Variants in TESMIN observed in about 807,000 individuals in gnomAD.
TESMIN encodes the protein CXC domain containing 2.
In TESMIN, 34 loss-of-function variants were observed where a neutral mutation model predicts 47.4. The observed-to-expected ratio is 0.72, with a 90% CI of 0.55 to 0.96. The LOEUF (loss-of-function observed/expected upper bound fraction) is 0.96, where lower values mean the gene tolerates loss of function less well. TESMIN is among the 40% of genes least tolerant of loss of function. The pLI, the probability that TESMIN is intolerant of heterozygous loss-of-function variation, is 0.00. For missense variants in TESMIN, 610 were observed against 637.2 expected (o/e 0.96, Z 0.46); for synonymous variants, 278 against 258.9 (o/e 1.07, Z -0.71).
chr11:68,717,109 T>G (rs1013883173), intron 6 of TESMIN, among the ~76,000 whole-genome samples: 1 of 152,274 alleles, frequency 6.6e-6, no homozygotes, highest in South Asian at 2.1e-4. Context: ...ACCAGAGGTC[T>G]GCAGAAACCT....
intron 6 of TESMIN, among the ~76,000 whole-genome samples, chr11:68,730,397 T>C (rs955126350): frequency 1.3e-5 from 2 of 152,234 alleles, no homozygotes; most frequent in African/African-American, 4.8e-5. Context: ...AGTTGTATAT[T>C]TTACAGTTGC....
intron 6 of TESMIN, among the ~76,000 whole-genome samples, chr11:68,718,606 A>C (rs1946169566): frequency 6.6e-6 from 1 of 152,220 alleles, no homozygotes; most frequent in African/African-American, 2.4e-5. Flanking sequence ...AAAGGCCATG[A>C]GTTTCTGAAG....
chr11:68,710,520 T>C, intron 9 of TESMIN: 1 of 213,562 alleles, frequency 4.7e-6, no homozygotes, highest in African/African-American at 2.3e-5. Context: ...CTGTCTTTGC[T>C]GCGCTGGGTC....
In TESMIN at chr11:68,750,256, C is replaced by T; in HGVS notation, c.405G>A (p.Pro135=). 1.9e-6 allele frequency: 3 copies of T among 1,541,664 alleles called. No individual in the cohort carries two copies. The highest frequency in any genetic ancestry group is 2.6e-6 in the Non-Finnish European group (3 of 1,153,678). The change falls in exon 2 of 10, where the codon CCG becomes CCA. Residue 135 remains proline, a synonymous_variant. Coordinates refer to ENST00000255087, the MANE Select transcript of TESMIN (RefSeq NM_004923.3). ...CCCAGGCGCCCAGGGGCAACACCGC[C>T]GGGCTGCGGTGCGCGGGTAGCAGCG... ...LSSLLPAHRS[P]AVLPLGAWVL...
At chr11:68,728,604 G>A (rs1008236530) in intron 6 of TESMIN, among the ~76,000 whole-genome samples, 22 of 152,198 alleles carry the variant, frequency 1.4e-4, no homozygotes, top group Non-Finnish European at 3.2e-4. Flanking sequence ...TCTACTAGAA[G>A]AAGATGCCAC....
rs370056313 is a variant in TESMIN, at chr11:68,738,722, G to C, written c.895C>G (p.Pro299Ala). Reference sequence around the variant, plus strand: ...TACCCAGCCAAAGTTATTTTTGGTGGTCCTGGAAGAGTTGATCCCGAGGGG... The same window carrying C: ...TACCCAGCCAAAGTTATTTTTGGTGCTCCTGGAAGAGTTGATCCCGAGGGG... Reference protein sequence around the residue: ...AFPSGSTLPGPPKITLAGYCD... With the variant: ...AFPSGSTLPGAPKITLAGYCD... Residue 299 changes from proline to alanine, a missense_variant, in exon 6 of 10, where the codon CCA becomes GCA. Pro to Ala is a conservative substitution (Grantham distance 27). Transcript: ENST00000255087. The C allele has an allele frequency of 4.3e-6, 7 of 1,613,902 alleles. No individual in the cohort carries two copies. The African/African-American group carries it at 9.3e-5, about 22-fold the overall frequency.
chr11:68,742,349 G>A lies in TESMIN; in HGVS notation c.797C>T (p.Ala266Val). 1 of 1,602,820 alleles carries A rather than the reference G, an allele frequency of 6.2e-7. No homozygotes were observed. The highest frequency in any genetic ancestry group is 8.5e-7 in the Non-Finnish European group (1 of 1,172,776). Residue 266 changes from alanine to valine, a missense_variant, in exon 5 of 10, where the codon GCA becomes GTA. Physicochemically the swap from Ala to Val is moderately conservative, Grantham distance 64. Transcript: ENST00000255087. ...TGTAATGAGATTTAATTTTGTTGAT[G>A]CTGGCAAAAATCTCCCTACTAAAGC... ...MTALVGRFLP[A>V]STKLNLITQQ...
At chr11:68,713,207 C>T (rs1156730785) in intron 8 of TESMIN, 63 bp downstream of exon 8, 5 of 1,489,876 alleles carry the variant, frequency 3.4e-6, no homozygotes, top group South Asian at 1.4e-5. Context: ...TTTTTAACCA[C>T]AAAAGTTACT....
At chr11:68,738,064 G>A in intron 6 of TESMIN, 6 of 985,708 alleles carry the variant, frequency 6.1e-6, no homozygotes, top group Non-Finnish European at 6.0e-6. Flanking sequence ...ATACATAAAT[G>A]TTAACCTGAT....
intron 6 of TESMIN, among the ~76,000 whole-genome samples, chr11:68,729,910 G>C (rs1946307512): frequency 6.6e-6 from 1 of 152,180 alleles, no homozygotes; most frequent in Admixed American, 6.5e-5. Flanking sequence ...ACATACTATA[G>C]AGAAATCTTT....
At chr11:68,706,243 C>T (rs1309819294), downstream of TESMIN, among the ~76,000 whole-genome samples, 5 of 152,212 alleles carry the variant, frequency 3.3e-5, no homozygotes, top group Non-Finnish European at 7.3e-5. Flanking sequence ...ACTTCTCAGA[C>T]GGGATTCCCT....
At chr11:68,750,757 CA>C (rs1946587505) in intron 1 of TESMIN, 58 bp from the exon 2 acceptor site, 1 of 521,158 alleles carries the variant, frequency 1.9e-6, no homozygotes, top group African/African-American at 3.1e-5. Context: ...GAGGGGCGGC[CA>C]GGAAAGGGGA....
intron 7 of TESMIN, 33 bp from the exon 8 acceptor site, chr11:68,713,440 A>T: frequency 6.2e-7 from 1 of 1,610,032 alleles, no homozygotes; most frequent in Non-Finnish European, 8.5e-7. Context: ...ATCAGGATGG[A>T]TTTTATCATT....
chr11:68,737,180 C>A, intron 6 of TESMIN: 2 of 985,408 alleles, frequency 2.0e-6, no homozygotes, highest in Non-Finnish European at 2.4e-6. Flanking sequence ...ATGTTAACAG[C>A]CATGATGAGA....
intron 6 of TESMIN, among the ~76,000 whole-genome samples, chr11:68,721,054 A>C (rs1354532155): frequency 5.5e-5 from 5 of 91,594 alleles, no homozygotes; most frequent in Non-Finnish European, 1.0e-4. Context: ...TAAAGATAAC[A>C]TCTTTCTTTT....
Position 68,742,382 on chromosome 11 carries a change from G to A in TESMIN, c.764C>T (p.Pro255Leu), listed in dbSNP as rs1163894132. The part of the protein sequence containing the change: ...NNYLQSDVPK[P>L]MTALVGRFLP... The stretch of plus-strand genomic sequence containing the variant: ...AAATCTCCCTACTAAAGCAGTCATT[G>A]GTTTAGGGACATCTGTAAGGAAGAT... The change falls in exon 5 of 10, where the codon CCA becomes CTA. Residue 255 changes from proline (P) to leucine (L), a missense_variant. Physicochemically the swap from Pro to Leu is moderately conservative, Grantham distance 98. Transcript: ENST00000255087. 1 of 1,593,290 alleles carries A rather than the reference G, an allele frequency of 6.3e-7. No individual in the cohort carries two copies. Among genetic ancestry groups the A allele is most frequent in the East Asian group, 2.2e-5 (1 of 44,708 alleles).
intron 3 of TESMIN, among the ~76,000 whole-genome samples, 189 bp from the exon 4 acceptor site, chr11:68,745,300 C>CAAAAAAAAA (rs71993839): frequency 1.4e-5 from 1 of 72,484 alleles, no homozygotes; most frequent in Non-Finnish European, 2.9e-5. Context: ...CACCAAAGGG[C>CAAAAAAAAA]AAAAAAAAAA....
chr11:68,715,861 A>T lies in TESMIN; in HGVS notation c.996T>A (p.Asp332Glu). The change falls in exon 7 of 10, where the codon GAT becomes GAA. Residue 332 changes from aspartate to glutamate, a missense_variant. By Grantham distance (45) the Asp-to-Glu change is conservative. Coordinates refer to ENST00000255087, the MANE Select transcript of TESMIN (RefSeq NM_004923.3). ...CCTTAATGGCTTTAAACCGTTCAAT[A>T]TCATGATGCAAGTTGTTGCAACAAT... ...CNNCCNNLHHDIERFKAIKAC... is the reference protein window; with the variant it reads ...CNNCCNNLHHEIERFKAIKAC... 1 of 1,610,828 alleles carries T rather than the reference A, an allele frequency of 6.2e-7. No homozygotes were observed. Among genetic ancestry groups the T allele is most frequent in the Non-Finnish European group, 8.5e-7 (1 of 1,177,030 alleles).
At chr11:68,713,124 G>T in intron 8 of TESMIN, 146 bp downstream of exon 8, 1 of 778,558 alleles carries the variant, frequency 1.3e-6, no homozygotes, top group Non-Finnish European at 1.9e-6. Flanking sequence ...AATTCAGATT[G>T]ATGTAAGTGT....
Sources: gnomAD v4.1 joint callset for allele counts (sites outside exome capture counted in the v4.1 genomes callset) on GRCh38, gnomAD v4.1.1 for gene constraint, MANE v1.5 for transcripts, NCBI Gene and HGNC (gene_info 2026-07-23, HGNC 2026-07-21) for gene names.